PSMD2: variants seen among roughly 807,000 people sequenced by gnomAD.
PSMD2 encodes the protein proteasome 26S subunit ubiquitin receptor, non-ATPase 2.
A neutral mutation model predicts 101.5 loss-of-function variants in PSMD2; 8 were observed. That is an observed-to-expected ratio of 0.08 (90% CI 0.05 to 0.14). The LOEUF is 0.14. Among genes scored for constraint, PSMD2 ranks in the 10% least tolerant of loss-of-function variants. The probability of loss-of-function intolerance (pLI) is 1.00; values close to 1 mark genes in which losing one functional copy is unlikely to be tolerated. For missense variants in PSMD2, 784 were observed against 1,147.4 expected (o/e 0.68, Z 4.58); for synonymous variants, 418 against 433.8 (o/e 0.96, Z 0.45).
Position 184,307,995 on chromosome 3 carries a change from T to C in PSMD2, c.2404T>C (p.Ser802Pro). Reference sequence around the variant, plus strand: ...GGCTGGACTGCTCACTGTGCTTGTCTCTTTCCTGGATGTTCGAAACAGTGA... The same window carrying C: ...GGCTGGACTGCTCACTGTGCTTGTCCCTTTCCTGGATGTTCGAAACAGTGA... ...AVAGLLTVLVSFLDVRNIILG... is the reference protein window; with the variant it reads ...AVAGLLTVLVPFLDVRNIILG... The change falls in exon 19 of 21, where the codon TCT (serine) becomes CCT (proline). Residue 802 changes from serine to proline, a missense_variant. By Grantham distance (74) the Ser-to-Pro change is moderately conservative (BLOSUM62 -1). This residue lies in a region of PSMD2 where 282 missense variants were observed against 437.6 expected (regional missense o/e 0.64). Transcript: ENST00000310118. 6.2e-7 allele frequency: 1 copy of C among 1,614,096 alleles called. No individual in the cohort carries two copies. Among genetic ancestry groups the C allele is most frequent in the South Asian group, 1.1e-5 (1 of 91,080 alleles).
intron 3 of PSMD2, chr3:184,300,766 A>G: frequency 1.5e-6 from 1 of 664,512 alleles, no homozygotes. Flanking sequence ...ACATTCAGTC[A>G]CTTCTCTGCC....
Position 184,303,427 on chromosome 3 carries a change from G to A in PSMD2, c.1177G>A (p.Asp393Asn), listed in dbSNP as rs747143331. The A allele has an allele frequency of 9.9e-6, 16 of 1,614,200 alleles. No homozygotes were observed. In the South Asian group the frequency reaches 1.8e-4, roughly 18 times the overall value. ...TTTTGGCCAAGACAAGCTGCTAACA[G>A]ATGATGGCAACAAATGGCTTTACAA... is the stretch of plus-strand genomic sequence containing the variant. The part of the protein sequence containing the change: ...AAFGQDKLLT[D>N]DGNKWLYKNK... The change falls in exon 9 of 21, where the codon GAT becomes AAT. Residue 393 changes from aspartate (D) to asparagine (N), a missense_variant. By Grantham distance (23) the Asp-to-Asn change is conservative. Around this residue, in one of 6 missense-constraint regions of PSMD2, gnomAD observed 37 missense variants for 107.0 expected, o/e 0.35. Coordinates refer to ENST00000310118, the MANE Select transcript of PSMD2 (RefSeq NM_002808.5).
chr3:184,303,564 T>G, intron 9 of PSMD2, 79 bp from the exon 10 acceptor site: 1 of 1,607,496 alleles, frequency 6.2e-7, no homozygotes, highest in Non-Finnish European at 8.5e-7. Flanking sequence ...CACCATGCAG[T>G]TCTTTGGAGA....
Position 184,303,742 on chromosome 3 carries a change from A to G in PSMD2, c.1316A>G (p.Tyr439Cys). The change falls in exon 10 of 21, where the codon TAC (tyrosine) becomes TGC (cysteine). Residue 439 changes from tyrosine to cysteine, a missense_variant. Physicochemically the swap from Tyr to Cys is radical, Grantham distance 194. Transcript: ENST00000310118. ...IDKYLYSSED[Y>C]IKSGALLACG... ...AAGTACCTGTACTCCTCTGAGGACT[A>G]CATTAAGGTTGGTCTGCATACAGCC... 6.2e-7 allele frequency: 1 copy of G among 1,614,172 alleles called. No individual in the cohort carries two copies. Among genetic ancestry groups the G allele is most frequent in the Non-Finnish European group, 8.5e-7 (1 of 1,179,976 alleles).
rs905628933 is a variant in PSMD2 at position 184,304,863 on chromosome 3, C to T, written c.1539+472C>T. ...TGAGATCGCGCCACTGCACTCCAGT[C>T]TGGGTTACAGAGTGAGACCCTGTCT... On this transcript the variant is annotated intron_variant, in intron 12 of 20. Transcript: ENST00000310118. The surrounding 1 kb of genome is among the most constrained non-coding windows in gnomAD (Gnocchi z 4.1). Among the ~76,000 whole-genome samples the T allele has an allele frequency of 2.0e-5, 3 of 151,948 alleles. No homozygotes were observed. Among genetic ancestry groups the T allele is most frequent in the Non-Finnish European group, 1.5e-5 (1 of 68,000 alleles).
chr3:184,299,367 G>A lies in PSMD2; in HGVS notation c.101G>A (p.Arg34Gln), dbSNP rs1721567282. ...GAGAAGCCGAGCGGCAAGGAGCGGC[G>A]GGATGCCGGGGACAAGGACAAAGAA... is the stretch of plus-strand genomic sequence containing the variant. ...TDEKPSGKER[R>Q]DAGDKDKEQE... is the part of the protein sequence containing the mutation. Residue 34 changes from arginine to glutamine, a missense_variant, in exon 1 of 21, where the codon CGG becomes CAG. Physicochemically the swap from Arg to Gln is conservative, Grantham distance 43. Around this residue, in one of 6 missense-constraint regions of PSMD2, gnomAD observed 196 missense variants for 182.4 expected, o/e 1.07. Transcript: ENST00000310118. 1 of 1,402,966 alleles carries A rather than the reference G, an allele frequency of 7.1e-7. No homozygotes were observed. Among genetic ancestry groups the A allele is most frequent in the African/African-American group, 1.5e-5 (1 of 66,284 alleles). 86.9% of individuals were successfully genotyped at this position (1,402,966 alleles called of 1,614,324 possible).
chr3:184,300,862 T>C (rs1421500630), intron 3 of PSMD2, among the ~76,000 whole-genome samples: 1 of 152,206 alleles, frequency 6.6e-6, no homozygotes, highest in Admixed American at 6.5e-5. Context: ...GCTTTTGTGC[T>C]TTGTTCCTAC....
rs775302175 is a variant in PSMD2, at chr3:184,306,745, T to C, written c.1951-6T>C. On this transcript the variant is annotated splice_region_variant and splice_polypyrimidine_tract_variant and intron_variant, in intron 15 of 20. Coordinates refer to ENST00000310118, the MANE Select transcript of PSMD2 (RefSeq NM_002808.5). ...TTAATGGGTTCTGCTCTCTCTTCAA[T>C]TGCAGGGAGTGGCTGTTCTGGGGAT... is the stretch of plus-strand genomic sequence containing the variant. 29 of 1,612,594 alleles carry C rather than the reference T, an allele frequency of 1.8e-5. No individual in the cohort carries two copies. Among genetic ancestry groups the C allele is most frequent in the East Asian group, 2.2e-5 (1 of 44,892 alleles).
At position 184,301,880 on chromosome 3, in the gene PSMD2, G is replaced by C. The variant is rs777468358; in HGVS notation, c.513G>C (p.Gln171His). Residue 171 changes from glutamine (Q) to histidine (H), a missense_variant, in exon 5 of 21, where the codon CAG becomes CAC. Transcript: ENST00000310118. ...CAGGAGAAGTGGCTAAGGAGTGGCA[G>C]GAGCTGGATGACGCAGAGAAGGTCC... The part of the protein sequence containing the change: ...HLAGEVAKEW[Q>H]ELDDAEKVQR... The C allele has an allele frequency of 8.1e-6, 13 of 1,614,106 alleles. No homozygotes were observed. Among genetic ancestry groups the C allele is most frequent in the Non-Finnish European group, 1.1e-5 (13 of 1,180,050 alleles).
chr3:184,308,549 G>A lies in PSMD2; in HGVS notation c.2526G>A (p.Val842=), dbSNP rs1721923540. 1 of 1,613,918 alleles carries A rather than the reference G, an allele frequency of 6.2e-7. No individual in the cohort carries two copies. The highest frequency in any genetic ancestry group is 1.3e-5 in the African/African-American group (1 of 75,064). The change falls in exon 20 of 21, where the codon GTG becomes GTA. Residue 842 remains valine, a synonymous_variant. Transcript: ENST00000310118. The surrounding 1 kb of genome is among the most constrained non-coding windows in gnomAD (Gnocchi z 6.0). ...TFDEELRPLP[V]SVRVGQAVDV... ...ATGAGGAGCTGCGGCCATTGCCAGT[G>A]TCTGTCCGTGTGGGCCAGGTGAGAG...
At chr3:184,302,939 T>C in intron 7 of PSMD2, 63 bp from the exon 8 acceptor site, 3 of 1,610,344 alleles carry the variant, frequency 1.9e-6, no homozygotes, top group Non-Finnish European at 8.5e-7. Context: ...TTCAGTGGGA[T>C]AGCAGAAGGG....
intron 2 of PSMD2, 45 bp from the exon 3 acceptor site, chr3:184,300,234 AG>A (rs1174844136): frequency 1.4e-5 from 22 of 1,537,634 alleles, no homozygotes; most frequent in Non-Finnish European, 1.8e-5. Flanking sequence ...TATGACTTGA[AG>A]GGGTGTGACT....
chr3:184,299,532 TCC>T, intron 1 of PSMD2, 131 bp downstream of exon 1: 1 of 1,199,886 alleles, frequency 8.3e-7, no homozygotes, highest in South Asian at 2.2e-5. Context: ...CCCTCGGGAC[TCC>T]CGGCACCTTG....
chr3:184,308,834 A>G lies in PSMD2; in HGVS notation c.2671A>G (p.Thr891Ala), dbSNP rs1553843481. 3 of 1,612,942 alleles carry G rather than the reference A, an allele frequency of 1.9e-6. No homozygotes were observed. The highest frequency in any genetic ancestry group is 2.5e-6 in the Non-Finnish European group (3 of 1,180,000). ...ELATEEFLPV[T>A]PILEGFVILR... ...GGCCACTGAGGAGTTTCTTCCTGTT[A>G]CCCCCATTCTGGAAGGTTTTGTTAT... The change falls in exon 21 of 21, where the codon ACC becomes GCC. Residue 891 changes from threonine to alanine, a missense_variant. Physicochemically the swap from Thr to Ala is moderately conservative, Grantham distance 58. Transcript: ENST00000310118. This position sits in a 1 kb window ranked among gnomAD's most constrained non-coding sequence, Gnocchi z 6.0.
At chr3:184,303,560 G>A in intron 9 of PSMD2, 83 bp from the exon 10 acceptor site, 1 of 1,606,698 alleles carries the variant, frequency 6.2e-7, no homozygotes, top group Non-Finnish European at 8.5e-7. Context: ...GATCCACCAT[G>A]CAGTTCTTTG....
rs1267765546 is a variant in PSMD2 at position 184,302,712 on chromosome 3, C to T, written c.897C>T (p.Gly299=). Residue 299 remains glycine, a synonymous_variant, in exon 7 of 21, where the codon GGC becomes GGT. Transcript: ENST00000310118. Reference sequence around the variant, plus strand: ...AGAAACAGATGGCATTCATGCTAGGCCGGCATGGGGTGTTCCTGGAGCTGA... The same window carrying T: ...AGAAACAGATGGCATTCATGCTAGGTCGGCATGGGGTGTTCCTGGAGCTGA... ...VVQKQMAFML[G]RHGVFLELSE... is the part of the protein sequence containing the mutation. 6.2e-7 allele frequency: 1 copy of T among 1,614,048 alleles called. No homozygotes were observed. The highest frequency in any genetic ancestry group is 1.1e-5 in the South Asian group (1 of 91,082).
chr3:184,299,363 C>A lies in PSMD2; in HGVS notation c.97C>A (p.Arg33=). Residue 33 remains arginine, a synonymous_variant, in exon 1 of 21, where the codon CGG becomes AGG. Transcript: ENST00000310118. ...GGACGAGAAGCCGAGCGGCAAGGAG[C>A]GGCGGGATGCCGGGGACAAGGACAA... The part of the protein sequence containing the change: ...GTDEKPSGKE[R]RDAGDKDKEQ... 7.1e-7 allele frequency: 1 copy of A among 1,407,222 alleles called. No homozygotes were observed. Among genetic ancestry groups the A allele is most frequent in the South Asian group, 1.5e-5 (1 of 68,018 alleles). 87.2% of individuals were successfully genotyped at this position (1,407,222 alleles called of 1,614,324 possible).
At chr3:184,303,862 G>A in intron 10 of PSMD2, 85 bp from the exon 11 acceptor site, 11 of 1,605,532 alleles carry the variant, frequency 6.9e-6, no homozygotes, top group South Asian at 3.3e-5. Context: ...TAGTTAATAA[G>A]GGTGCTGCAG....
Position 184,303,425 on chromosome 3 carries a change from C to G in PSMD2, c.1175C>G (p.Thr392Arg), listed in dbSNP as rs1721718706. The G allele has an allele frequency of 2.5e-6, 4 of 1,614,176 alleles. No homozygotes were observed. The highest frequency in any genetic ancestry group is 3.4e-6 in the Non-Finnish European group (4 of 1,180,024). ...NAAFGQDKLL[T>R]DDGNKWLYKN... Reference sequence around the variant, plus strand: ...GCTTTTGGCCAAGACAAGCTGCTAACAGATGATGGCAACAAATGGCTTTAC... The same window carrying G: ...GCTTTTGGCCAAGACAAGCTGCTAAGAGATGATGGCAACAAATGGCTTTAC... The change falls in exon 9 of 21, where the codon ACA (threonine) becomes AGA (arginine). Residue 392 changes from threonine (T) to arginine (R), a missense_variant. This residue lies in a region of PSMD2 where 37 missense variants were observed against 107.0 expected (regional missense o/e 0.35). Transcript: ENST00000310118.
Sources: allele counts gnomAD v4.1 joint callset (sites outside exome capture counted in the v4.1 genomes callset), GRCh38; gene constraint gnomAD v4.1.1; regional missense constraint gnomAD v4.1.1; non-coding constraint Gnocchi (gnomAD v3.1); transcripts MANE v1.5; gene names NCBI Gene and HGNC (gene_info 2026-07-23, HGNC 2026-07-21).